The following TMEM132D variants were observed in gnomAD, a reference collection of about 807,000 sequenced individuals.
The protein encoded by TMEM132D is transmembrane protein 132D.
Under a neutral mutation model 62.3 loss-of-function variants are expected in TMEM132D, and 21 were observed. The ratio of observed to expected loss-of-function variants is 0.34; its 90% CI spans 0.24 to 0.49. The LOEUF is 0.49. Among genes scored for constraint, TMEM132D ranks in the 20% least tolerant of loss-of-function variants. TMEM132D has a pLI of 0.99. For synonymous variants in TMEM132D, 621 were observed against 575.6 expected (o/e 1.08, Z -1.13); for missense variants, 1,346 against 1,402.8 (o/e 0.96, Z 0.65).
At chr12:129,902,183 T>C (rs1252835929) in intron 1 of TMEM132D, among the ~76,000 whole-genome samples, 2 of 152,220 alleles carry the variant, frequency 1.3e-5, no homozygotes, top group Non-Finnish European at 2.9e-5. Context: ...ACCTCAGTGA[T>C]TCTGGAAGAA....
chr12:129,107,153 A>C (rs75700432), intron 5 of TMEM132D, among the ~76,000 whole-genome samples: 7,309 of 152,332 alleles, frequency 0.048, 242 homozygotes, highest in Non-Finnish European at 0.073. Context: ...CTCTAATAGG[A>C]AAGATGAAAT....
chr12:129,826,497 A>G lies in TMEM132D; in HGVS notation c.79+76764T>C, dbSNP rs1222252155. ...ATGTCTCTAGAGGTAAATGCACTGA[A>G]TGAGTGCAGCCCGCCTTGCTCCTGG... is the stretch of plus-strand genomic sequence containing the variant. On this transcript the variant is annotated intron_variant, in intron 1 of 8. Transcript: ENST00000422113. Among the ~76,000 whole-genome samples the G allele has an allele frequency of 7.9e-5, 12 of 152,292 alleles. No homozygotes were observed. In the East Asian group the frequency reaches 1.9e-3, roughly 25 times the overall value.
chr12:129,684,872 G>A (rs1244128543), intron 2 of TMEM132D, among the ~76,000 whole-genome samples: 4 of 152,138 alleles, frequency 2.6e-5, no homozygotes, highest in African/African-American at 9.7e-5. Flanking sequence ...CTTTAGCAAA[G>A]AGACTGGTGG....
At chr12:129,084,732 G>A (rs1309050260) in intron 5 of TMEM132D, 30 bp from the exon 6 acceptor site, 1 of 1,607,404 alleles carries the variant, frequency 6.2e-7, no homozygotes. Flanking sequence ...AAAAGGGGAG[G>A]GAAAGGTGAG....
chr12:129,319,053 GA>G, intron 4 of TMEM132D, among the ~76,000 whole-genome samples: 3 of 152,142 alleles, frequency 2.0e-5, no homozygotes. Flanking sequence ...TCCAGCTGCG[GA>G]AAAAAAGGTC....
intron 1 of TMEM132D, among the ~76,000 whole-genome samples, chr12:129,818,900 T>G (rs1872457267): frequency 6.6e-6 from 1 of 151,944 alleles, no homozygotes; most frequent in South Asian, 2.1e-4. Context: ...CTGGGCGTGG[T>G]GGCCTGCACC....
At position 129,081,990 on chromosome 12, in the gene TMEM132D, C is replaced by T. The variant is rs2135616725; in HGVS notation, c.1692G>A (p.Arg564=). The T allele has an allele frequency of 6.2e-7, 1 of 1,612,502 alleles. No individual in the cohort carries two copies. Among genetic ancestry groups the T allele is most frequent in the Non-Finnish European group, 8.5e-7 (1 of 1,179,044 alleles). The change falls in exon 7 of 9, where the codon AGG becomes AGA. Residue 564 remains arginine, a synonymous_variant. Transcript: ENST00000422113. Reference sequence around the variant, plus strand: ...GGTACTGCAGGGTGCAGCCGCGGCCCCTCCGCTCATCATCCTCCTCCTCTT... The same window carrying T: ...GGTACTGCAGGGTGCAGCCGCGGCCTCTCCGCTCATCATCCTCCTCCTCTT... ...DSEEEEDDER[R]GRGCTLQYQH... is the part of the protein sequence containing the mutation.
Position 129,133,623 on chromosome 12 carries a change from G to T in TMEM132D, c.1444-48921C>A, listed in dbSNP as rs531566866. 2.0e-5 allele frequency among the ~76,000 whole-genome samples: 3 copies of T among 152,316 alleles called. No homozygotes were observed. In the East Asian group the frequency reaches 5.8e-4, roughly 29 times the overall value. On this transcript the variant is annotated intron_variant, in intron 5 of 8. Coordinates refer to ENST00000422113, the MANE Select transcript of TMEM132D (RefSeq NM_133448.3). ...ATATGGGCTAGGTCTGATTATGATG[G>T]TGGTGGTGGACATCTGTTGCTTTTG... is the stretch of plus-strand genomic sequence containing the variant.
In TMEM132D at chr12:129,249,859, T is replaced by C. The variant is rs144531677; in HGVS notation, c.1300-40196A>G. ...AAGCAGACGGCACACTCAGGATAAT[T>C]TGAAGCAAGTTTAACAAGAGCTTAA... On this transcript the variant is annotated intron_variant, in intron 4 of 8. Coordinates refer to ENST00000422113, the MANE Select transcript of TMEM132D (RefSeq NM_133448.3). Among the ~76,000 whole-genome samples the C allele has an allele frequency of 6.6e-4, 101 of 152,124 alleles. 1 individual carries two copies. The highest frequency in any genetic ancestry group is 2.3e-3 in the African/African-American group (95 of 41,510).
chr12:129,883,865 A>G (rs141369932), intron 1 of TMEM132D, among the ~76,000 whole-genome samples: 10 of 152,350 alleles, frequency 6.6e-5, no homozygotes, highest in Non-Finnish European at 1.3e-4. Context: ...ATATTGACCT[A>G]TACACCCCAC....
intron 2 of TMEM132D, among the ~76,000 whole-genome samples, chr12:129,549,029 C>T (rs1293419542): frequency 1.3e-5 from 2 of 152,226 alleles, no homozygotes; most frequent in Non-Finnish European, 2.9e-5. Flanking sequence ...TCCAGACACA[C>T]AGTGAAATTC....
intron 3 of TMEM132D, among the ~76,000 whole-genome samples, chr12:129,518,570 C>T (rs551255443): frequency 1.1e-5 from 1 of 88,906 alleles, no homozygotes; most frequent in East Asian, 2.0e-4. Flanking sequence ...TATATATACA[C>T]ACACACACAC....
chr12:129,344,258 T>G (rs895787730), intron 3 of TMEM132D, among the ~76,000 whole-genome samples: 5 of 152,160 alleles, frequency 3.3e-5, no homozygotes, highest in African/African-American at 1.2e-4. Flanking sequence ...ATATTTCTGG[T>G]GACCACAGAT....
intron 4 of TMEM132D, among the ~76,000 whole-genome samples, chr12:129,305,827 G>A (rs1220844479): frequency 1.3e-5 from 2 of 152,142 alleles, no homozygotes; most frequent in African/African-American, 4.8e-5. Context: ...TGGGTGCATA[G>A]TAAGAATCCA....
At chr12:129,508,498 T>G (rs1435719740) in intron 3 of TMEM132D, among the ~76,000 whole-genome samples, 1 of 152,148 alleles carries the variant, frequency 6.6e-6, no homozygotes, top group Non-Finnish European at 1.5e-5. Flanking sequence ...TCCTCCTCCT[T>G]CTCGTTGCAA....
At chr12:129,497,057 C>A (rs1566088465) in intron 3 of TMEM132D, among the ~76,000 whole-genome samples, 1 of 152,180 alleles carries the variant, frequency 6.6e-6, no homozygotes, top group East Asian at 1.9e-4. Flanking sequence ...CCTGTCATCC[C>A]AGCACTTTGA....
At chr12:129,421,205 C>T (rs1177253847) in intron 3 of TMEM132D, among the ~76,000 whole-genome samples, 7 of 152,206 alleles carry the variant, frequency 4.6e-5, no homozygotes, top group Middle Eastern at 3.4e-3. Context: ...TCAAATGATC[C>T]GCCTGCCTCA....
intron 5 of TMEM132D, among the ~76,000 whole-genome samples, chr12:129,198,375 C>A (rs957763863): frequency 6.6e-6 from 1 of 152,126 alleles, no homozygotes; most frequent in Non-Finnish European, 1.5e-5. Context: ...ATGTTCACTG[C>A]AGCACTACTT....
At chr12:129,513,707 G>A (rs911885400) in intron 3 of TMEM132D, among the ~76,000 whole-genome samples, 39 of 151,396 alleles carry the variant, frequency 2.6e-4, no homozygotes, top group African/African-American at 9.5e-4. Flanking sequence ...GGATGGTCTC[G>A]ATCTCCTGAC....
Sources: allele counts gnomAD v4.1 joint callset (sites outside exome capture counted in the v4.1 genomes callset), GRCh38; gene constraint gnomAD v4.1.1; transcripts MANE v1.5; gene names NCBI Gene and HGNC (gene_info 2026-07-23, HGNC 2026-07-21).